AGPAT4: variants seen among roughly 807,000 people sequenced by gnomAD.
AGPAT4 encodes the protein 1-acyl-sn-glycerol-3-phosphate acyltransferase delta.
A neutral mutation model predicts 48.0 loss-of-function variants in AGPAT4; 15 were observed. The observed-to-expected ratio is 0.31, with a 90% CI of 0.21 to 0.48. The LOEUF (loss-of-function observed/expected upper bound fraction) is 0.48, where lower values mean the gene tolerates loss of function less well. AGPAT4 is among the 20% of genes least tolerant of loss of function. AGPAT4 has a pLI of 0.99. For synonymous variants in AGPAT4, 178 were observed against 198.7 expected, an observed-to-expected ratio of 0.90 and a Z score of 0.88; for missense variants, 314 against 482.5, an observed-to-expected ratio of 0.65 and a Z score of 3.27.
rs1779185405 is a variant in AGPAT4, at chr6:161,139,605, C to T, written c.859G>A (p.Glu287Lys). 2 of 1,604,430 alleles carry T rather than the reference C, an allele frequency of 1.2e-6. No individual in the cohort carries two copies. The highest frequency in any genetic ancestry group is 1.3e-5 in the African/African-American group (1 of 74,712). ...GGGAAGGTGCCCGTCCTGTAGTACTCCTCCTGAAAGGCATCCTGGGGGACA... is the reference window on the plus strand; with the variant it reads ...GGGAAGGTGCCCGTCCTGTAGTACTTCTCCTGAAAGGCATCCTGGGGGACA... ...LYQEKDAFQE[E>K]YYRTGTFPET... The change falls in exon 8 of 9, where the codon GAG (glutamate) becomes AAG (lysine). Residue 287 changes from glutamate (E) to lysine (K), a missense_variant. By Grantham distance (56) the Glu-to-Lys change is moderately conservative (BLOSUM62 1). Transcript: ENST00000320285. The surrounding 1 kb of genome is among the most constrained non-coding windows in gnomAD (Gnocchi z 9.1).
chr6:161,168,124 T>TGGGGGGGGGGGGGGGGGGGGGGGGGGG (rs202066669), intron 2 of AGPAT4, among the ~76,000 whole-genome samples: 1 of 111,542 alleles, frequency 9.0e-6, no homozygotes, highest in African/African-American at 4.8e-5. Context: ...AGGAAGGCGG[T>TGGGGGGGGGGGGGGGGGGGGGGGGGGG]GGTGGGGTGG....
chr6:161,167,623 G>T (rs1306773852), intron 2 of AGPAT4, among the ~76,000 whole-genome samples: 3 of 152,110 alleles, frequency 2.0e-5, no homozygotes, highest in Non-Finnish European at 4.4e-5. Context: ...AGGTGGATTT[G>T]GCCTTGACTC....
intron 1 of AGPAT4, among the ~76,000 whole-genome samples, chr6:161,253,220 A>G (rs369126774): frequency 7.2e-5 from 11 of 151,780 alleles, no homozygotes; most frequent in African/African-American, 2.7e-4. Flanking sequence ...CTCAAAAAAA[A>G]AGAAAAAAAA....
Position 161,266,343 on chromosome 6 carries a change from TCTAGGC to T in AGPAT4, c.-90+7589_-90+7594del, listed in dbSNP as rs963388426. Among the ~76,000 whole-genome samples, 1 of 152,210 alleles carries T rather than the reference TCTAGGC, an allele frequency of 6.6e-6. No individual in the cohort carries two copies. The highest frequency in any genetic ancestry group is 1.5e-5 in the Non-Finnish European group (1 of 68,028). On this transcript the variant is annotated intron_variant, in intron 1 of 8. Coordinates refer to ENST00000320285, the MANE Select transcript of AGPAT4 (RefSeq NM_020133.3). The surrounding 1 kb of genome is among the most constrained non-coding windows in gnomAD (Gnocchi z 6.2). ...CCTGACTTCTTGTGCCCATCTCTTC[TCTAGGC>T]CACAACACATATTCAGTGCTGGGTA...
rs185999780 is a variant in AGPAT4 at position 161,233,180 on chromosome 6, A to G, written c.-89-878T>C. 8.5e-5 allele frequency among the ~76,000 whole-genome samples: 13 copies of G among 152,160 alleles called. No individual in the cohort carries two copies. The highest frequency in any genetic ancestry group is 5.9e-4 in the Admixed American group (9 of 15,282). On this transcript the variant is annotated intron_variant, in intron 1 of 8. Coordinates refer to ENST00000320285, the MANE Select transcript of AGPAT4 (RefSeq NM_020133.3). The surrounding 1 kb of genome is among the most constrained non-coding windows in gnomAD (Gnocchi z 5.4). ...ATCCTTAAGTGTTCTCAAATCAGAA[A>G]GAAACTCAACACATACATACAGTTA... is the stretch of plus-strand genomic sequence containing the variant.
In AGPAT4 at chr6:161,149,296, A is replaced by C; in HGVS notation, c.665-7T>G. ...CAGTCATATACAGCTGAAACTATAA[A>C]AAATAAAACAAATACAAAGCAGTAT... On this transcript the variant is annotated splice_polypyrimidine_tract_variant and splice_region_variant and intron_variant, in intron 5 of 8. Coordinates refer to ENST00000320285, the MANE Select transcript of AGPAT4 (RefSeq NM_020133.3). The surrounding 1 kb of genome is among the most constrained non-coding windows in gnomAD (Gnocchi z 6.5). 3 of 1,605,448 alleles carry C rather than the reference A, an allele frequency of 1.9e-6. No individual in the cohort carries two copies. The highest frequency in any genetic ancestry group is 2.5e-6 in the Non-Finnish European group (3 of 1,178,620).
intron 2 of AGPAT4, among the ~76,000 whole-genome samples, chr6:161,185,678 A>T (rs1217278388): frequency 6.6e-6 from 1 of 152,182 alleles, no homozygotes; most frequent in Admixed American, 6.5e-5. Context: ...TCAAGAAACA[A>T]GTTGCCTCTT....
In AGPAT4 at chr6:161,217,856, G is replaced by T. The variant is rs540502462; in HGVS notation, c.178+14180C>A. Among the ~76,000 whole-genome samples the T allele has an allele frequency of 3.4e-5, 5 of 147,428 alleles. No homozygotes were observed. The highest frequency in any genetic ancestry group is 7.4e-5 in the Non-Finnish European group (5 of 67,256). On this transcript the variant is annotated intron_variant, in intron 2 of 8. Transcript: ENST00000320285. This position sits in a 1 kb window ranked among gnomAD's most constrained non-coding sequence, Gnocchi z 4.9. ...CAGCACAGCTGGTGCCTCTGCTCCC[G>T]CGGGGCCCTGCACACACCAGCTCTG...
In AGPAT4 at chr6:161,226,623, G is replaced by A. The variant is rs1005034669; in HGVS notation, c.178+5413C>T. Among the ~76,000 whole-genome samples the A allele has an allele frequency of 6.6e-6, 1 of 152,218 alleles. No individual in the cohort carries two copies. The highest frequency in any genetic ancestry group is 2.4e-5 in the African/African-American group (1 of 41,452). On this transcript the variant is annotated intron_variant, in intron 2 of 8. Transcript: ENST00000320285. The surrounding 1 kb of genome is among the most constrained non-coding windows in gnomAD (Gnocchi z 6.3). ...TCCATCTTCTCTCACTTCTCAGAGA[G>A]TCAGAAAGGCAGCCAGGCAGGGCTG... is the stretch of plus-strand genomic sequence containing the variant.
At chr6:161,193,983 C>T (rs1379626522) in intron 2 of AGPAT4, among the ~76,000 whole-genome samples, 1 of 152,136 alleles carries the variant, frequency 6.6e-6, no homozygotes, top group Non-Finnish European at 1.5e-5. Context: ...CATAATTTTC[C>T]TGTATGTAAA....
At chr6:161,271,454 AC>A (rs1783422045) in intron 1 of AGPAT4, among the ~76,000 whole-genome samples, 1 of 152,232 alleles carries the variant, frequency 6.6e-6, no homozygotes, top group African/African-American at 2.4e-5. Context: ...AGCACAGACT[AC>A]AACTGCTGCC....
rs918618146 is a variant in AGPAT4 at position 161,169,567 on chromosome 6, T to C, written c.179-3150A>G. 2.6e-5 allele frequency among the ~76,000 whole-genome samples: 4 copies of C among 151,990 alleles called. No homozygotes were observed. The highest frequency in any genetic ancestry group is 9.7e-5 in the African/African-American group (4 of 41,370). On this transcript the variant is annotated intron_variant, in intron 2 of 8. Transcript: ENST00000320285. This position sits in a 1 kb window ranked among gnomAD's most constrained non-coding sequence, Gnocchi z 5.0. ...CTCACCGCAGCCTCAACCTCCTGGG[T>C]TCAAGCAATCCTTCCACCTTGGCCT...
rs1780540098 is a variant in AGPAT4 at position 161,180,041 on chromosome 6, A to T, written c.179-13624T>A. Reference sequence around the variant, plus strand: ...ACTTCTAGGCAGCCCTGAATCTGCTATCCCCAAAGACCTCCTTATTCTCAG... The same window carrying T: ...ACTTCTAGGCAGCCCTGAATCTGCTTTCCCCAAAGACCTCCTTATTCTCAG... On this transcript the variant is annotated intron_variant, in intron 2 of 8. Transcript: ENST00000320285. The surrounding 1 kb of genome is among the most constrained non-coding windows in gnomAD (Gnocchi z 6.4). Among the ~76,000 whole-genome samples, 1 of 152,218 alleles carries T rather than the reference A, an allele frequency of 6.6e-6. No homozygotes were observed. The highest frequency in any genetic ancestry group is 6.5e-5 in the Admixed American group (1 of 15,280).
In AGPAT4 at chr6:161,144,832, T is replaced by C. The variant is rs1396236334; in HGVS notation, c.843+1692A>G. ...CGTCTCTACTAAACATACAAAAAAA[T>C]TAGCCGGGCATGGTGGCGGGTGCCT... is the stretch of plus-strand genomic sequence containing the variant. On this transcript the variant is annotated intron_variant, in intron 7 of 8. Transcript: ENST00000320285. This position sits in a 1 kb window ranked among gnomAD's most constrained non-coding sequence, Gnocchi z 6.6. 6.6e-6 allele frequency among the ~76,000 whole-genome samples: 1 copy of C among 151,984 alleles called. No homozygotes were observed. Among genetic ancestry groups the C allele is most frequent in the Non-Finnish European group, 1.5e-5 (1 of 67,996 alleles).
At chr6:161,268,746 G>A (rs1783337114) in intron 1 of AGPAT4, among the ~76,000 whole-genome samples, 1 of 152,176 alleles carries the variant, frequency 6.6e-6, no homozygotes, top group South Asian at 2.1e-4. Context: ...GCCAAGCAGA[G>A]GAGTGTGGTT....
chr6:161,136,642 G>A lies in AGPAT4; in HGVS notation c.1043-8C>T, dbSNP rs1225459635. On this transcript the variant is annotated splice_region_variant and splice_polypyrimidine_tract_variant and intron_variant, in intron 8 of 8. Coordinates refer to ENST00000320285, the MANE Select transcript of AGPAT4 (RefSeq NM_020133.3). ...ATCGAACTCCCACGGAGGCTGCAGA[G>A]ACAAGGAGAGCAGAGTTAGGAGTAG... 1 of 1,613,074 alleles carries A rather than the reference G, an allele frequency of 6.2e-7. No homozygotes were observed. Among genetic ancestry groups the A allele is most frequent in the Non-Finnish European group, 8.5e-7 (1 of 1,179,186 alleles).
At position 161,158,283 on chromosome 6, in the gene AGPAT4, G is replaced by C. The variant is rs773903917; in HGVS notation, c.349-3973C>G. ...GGCTATAACTATCATGGCTTTCCCA[G>C]GCCACTCAGAGGCTTCCATGTGTGA... On this transcript the variant is annotated intron_variant, in intron 3 of 8. Coordinates refer to ENST00000320285, the MANE Select transcript of AGPAT4 (RefSeq NM_020133.3). The surrounding 1 kb of genome is among the most constrained non-coding windows in gnomAD (Gnocchi z 5.3). Among the ~76,000 whole-genome samples the C allele has an allele frequency of 1.7e-4, 26 of 152,158 alleles. No homozygotes were observed. Among genetic ancestry groups the C allele is most frequent in the Non-Finnish European group, 2.9e-4 (20 of 68,036 alleles).
In AGPAT4 at chr6:161,132,202, C is replaced by T. The variant is rs1778922001; in HGVS notation, c.*4338G>A. 6.6e-6 allele frequency: 1 copy of T among 152,006 alleles called. No homozygotes were observed. The highest frequency in any genetic ancestry group is 1.5e-5 in the Non-Finnish European group (1 of 67,966). 9.4% of individuals were successfully genotyped at this position (152,006 alleles called of 1,614,324 possible). ...TTCAGCTTCATTCATCCTGGCCAAA[C>T]AAAAAAAGTTCAAAAAATTGTTTTC... is the stretch of plus-strand genomic sequence containing the variant. On this transcript the variant is annotated 3_prime_UTR_variant, in exon 9 of 9. Transcript: ENST00000320285.
chr6:161,240,171 G>A lies in AGPAT4; in HGVS notation c.-89-7869C>T, dbSNP rs73782822. 0.019 allele frequency among the ~76,000 whole-genome samples: 2,757 copies of A among 148,224 alleles called. 44 individuals are homozygous for A. Among genetic ancestry groups the A allele is most frequent in the East Asian group, 0.082 (412 of 5,042 alleles). The stretch of plus-strand genomic sequence containing the variant: ...TAATCACAACTCTAAAAAAAAAACC[G>A]GAAGAAAAGAAAGCCTTACCAAAAC... On this transcript the variant is annotated intron_variant, in intron 1 of 8. Transcript: ENST00000320285. The surrounding 1 kb of genome is among the most constrained non-coding windows in gnomAD (Gnocchi z 5.5).
Sources: allele counts gnomAD v4.1 joint callset (sites outside exome capture counted in the v4.1 genomes callset), GRCh38; gene constraint gnomAD v4.1.1; non-coding constraint Gnocchi (gnomAD v3.1); transcripts MANE v1.5; gene names NCBI Gene and HGNC (gene_info 2026-07-23, HGNC 2026-07-21).